The following PREX1 variants were observed in gnomAD, a reference collection of about 807,000 sequenced individuals.
PREX1 encodes phosphatidylinositol 3,4,5-trisphosphate-dependent Rac exchanger 1 protein.
PREX1 carries 41 observed loss-of-function variants against 198.3 expected under a neutral mutation model. That is an observed-to-expected ratio of 0.21 (90% CI 0.16 to 0.27). PREX1 has a LOEUF of 0.27. Ranked by LOEUF, PREX1 falls within the 10% of genes least tolerant of loss-of-function variation. The pLI is 1.00. For missense variants in PREX1, 1,620 were observed against 2,200.7 expected, an observed-to-expected ratio of 0.74 and a Z score of 5.28; for synonymous variants, 843 against 887.2, an observed-to-expected ratio of 0.95 and a Z score of 0.89.
At chr20:48,685,801 G>A (rs2089780405) in intron 10 of PREX1, among the ~76,000 whole-genome samples, 1 of 152,178 alleles carries the variant, frequency 6.6e-6, no homozygotes, top group Non-Finnish European at 1.5e-5. Flanking sequence ...TCAGGAGGCA[G>A]GAAGATCGCT....
chr20:48,838,844 G>C, the PREX1 span, among the ~76,000 whole-genome samples: 1 of 151,728 alleles, frequency 6.6e-6, no homozygotes, highest in Non-Finnish European at 1.5e-5. Context: ...TGGCCAACAT[G>C]GCAAAACCCC....
At chr20:48,725,459 AC>A (rs2090005478) in intron 5 of PREX1, among the ~76,000 whole-genome samples, 1 of 152,174 alleles carries the variant, frequency 6.6e-6, no homozygotes, top group Non-Finnish European at 1.5e-5. Context: ...GAAGCAGCAA[AC>A]CTTCCCTGCT....
chr20:48,824,817 A>G (rs1324946734), intron 1 of PREX1, among the ~76,000 whole-genome samples: 1 of 152,056 alleles, frequency 6.6e-6, no homozygotes, highest in Non-Finnish European at 1.5e-5. Context: ...CCTCTCCTTG[A>G]GGACAGAAGC....
intron 1 of PREX1, among the ~76,000 whole-genome samples, chr20:48,796,136 T>C (rs2090361419): frequency 4.6e-5 from 7 of 152,224 alleles, no homozygotes; most frequent in Non-Finnish European, 5.9e-5. Flanking sequence ...TTATGAAACA[T>C]TAATGAAAAA....
At chr20:48,692,647 C>T (rs370580546) in intron 8 of PREX1, 25 bp downstream of exon 8, 35 of 1,587,016 alleles carry the variant, frequency 2.2e-5, no homozygotes, top group African/African-American at 2.8e-5. Context: ...AGGCAGGGCT[C>T]AGGCAAGGCT....
In PREX1 at chr20:48,636,505, G is replaced by A. The variant is rs11553083; in HGVS notation, c.4125C>T (p.Gly1375=). 0.12 allele frequency: 188,302 copies of A among 1,609,148 alleles called. 11,160 individuals are homozygous for A. The highest frequency in any genetic ancestry group is 0.13 in the African/African-American group (10,076 of 74,992). The change falls in exon 32 of 40, where the codon GGC becomes GGT. Residue 1375 remains glycine, a synonymous_variant. Transcript: ENST00000371941. ...RKWLEQVAAT[G]VLLHCQSLLS... is the part of the protein sequence containing the mutation. ...GCAGGGACTGGCAGTGCAGCAGGAC[G>A]CCCGTGGCCGCCACCTGCTCCAGCC...
At chr20:48,781,600 T>G (rs563946053) in intron 1 of PREX1, among the ~76,000 whole-genome samples, 16 of 152,136 alleles carry the variant, frequency 1.1e-4, no homozygotes, top group African/African-American at 3.4e-4. Context: ...AGACACCCCC[T>G]GCCTCATCCC....
intron 3 of PREX1, among the ~76,000 whole-genome samples, chr20:48,735,588 A>ACCCAGCACATAGTACAGGCTG: frequency 6.6e-6 from 1 of 150,538 alleles, no homozygotes; most frequent in Admixed American, 6.6e-5. Context: ...CAGAGTACAT[A>ACCCAGCACATAGTACAGGCTG]CCCAGCACAT....
chr20:48,632,213 C>T, intron 35 of PREX1, 64 bp downstream of exon 35: 2 of 1,509,332 alleles, frequency 1.3e-6, no homozygotes, highest in South Asian at 2.3e-5. Flanking sequence ...ACCTTCCATG[C>T]TAATGCCCAC....
chr20:48,723,501 A>G (rs2089995336), intron 5 of PREX1, among the ~76,000 whole-genome samples: 1 of 152,192 alleles, frequency 6.6e-6, no homozygotes, highest in South Asian at 2.1e-4. Flanking sequence ...GCATGGCCCC[A>G]ACGGGAGTCT....
At chr20:48,737,940 T>C (rs1026726330) in intron 3 of PREX1, among the ~76,000 whole-genome samples, 1 of 152,222 alleles carries the variant, frequency 6.6e-6, no homozygotes, top group African/African-American at 2.4e-5. Flanking sequence ...TTCACTGACA[T>C]GCATCAGTAA....
chr20:48,824,764 T>C (rs1241819279), intron 1 of PREX1, among the ~76,000 whole-genome samples: 1 of 152,094 alleles, frequency 6.6e-6, no homozygotes, highest in Non-Finnish European at 1.5e-5. Flanking sequence ...GCACTTGGAT[T>C]GTTTTTTTTA....
the PREX1 span, among the ~76,000 whole-genome samples, chr20:48,860,369 G>C: frequency 1.3e-5 from 2 of 152,226 alleles, no homozygotes; most frequent in African/African-American, 4.8e-5. Flanking sequence ...GCCAGGGGCA[G>C]AAGGGCAGAA....
At chr20:48,762,541 A>G (rs939666556) in intron 1 of PREX1, among the ~76,000 whole-genome samples, 26 of 152,208 alleles carry the variant, frequency 1.7e-4, no homozygotes, top group Non-Finnish European at 3.5e-4. Flanking sequence ...TAGCAAAGCT[A>G]AGAAAATGGC....
At chr20:48,861,895 C>A in the PREX1 span, among the ~76,000 whole-genome samples, 1 of 152,006 alleles carries the variant, frequency 6.6e-6, no homozygotes, top group African/African-American at 2.4e-5. Flanking sequence ...TCCCTCTTGC[C>A]TCCCCTCGAA....
intron 1 of PREX1, among the ~76,000 whole-genome samples, chr20:48,781,826 T>G (rs1192273448): frequency 6.6e-6 from 1 of 152,212 alleles, no homozygotes; most frequent in African/African-American, 2.4e-5. Context: ...TTGCATGCCC[T>G]CATGACCCAG....
Position 48,653,208 on chromosome 20 carries a change from C to G in PREX1, c.2346+153G>C, listed in dbSNP as rs370388822. On this transcript the variant is annotated intron_variant, in intron 20 of 39. Transcript: ENST00000371941. ...TTAAGGATGCAGCGGGAGCACAAAGCTCAGGCCCAGCTCCCTCTTGTTGGG... is the reference window on the plus strand; with the variant it reads ...TTAAGGATGCAGCGGGAGCACAAAGGTCAGGCCCAGCTCCCTCTTGTTGGG... Among the ~76,000 whole-genome samples, 236 of 152,292 alleles carry G rather than the reference C, an allele frequency of 1.5e-3. 2 individuals carry two copies. The highest frequency in any genetic ancestry group is 5.4e-3 in the African/African-American group (224 of 41,556).
intron 15 of PREX1, among the ~76,000 whole-genome samples, chr20:48,661,176 T>G (rs2089587856): frequency 6.6e-6 from 1 of 151,904 alleles, no homozygotes; most frequent in South Asian, 2.1e-4. Context: ...CCCAGCACTT[T>G]GAGAGGTCGA....
chr20:48,772,757 G>A (rs1262806630), intron 1 of PREX1, among the ~76,000 whole-genome samples: 6 of 152,224 alleles, frequency 3.9e-5, no homozygotes. Flanking sequence ...ATGGCCGCAT[G>A]GCTGAGTGCC....
Sources: allele counts gnomAD v4.1 joint callset (sites outside exome capture counted in the v4.1 genomes callset), GRCh38; gene constraint gnomAD v4.1.1; transcripts MANE v1.5; gene names NCBI Gene and HGNC (gene_info 2026-07-23, HGNC 2026-07-21).